FBLN5: variants seen among roughly 807,000 people sequenced by gnomAD.
FBLN5 encodes fibulin-5.
FBLN5 carries 24 observed loss-of-function variants against 61.6 expected under a neutral mutation model. The ratio of observed to expected loss-of-function variants is 0.39; its 90% confidence interval spans 0.28 to 0.55. FBLN5 has a LOEUF of 0.55. FBLN5 is among the 20% of genes least tolerant of loss of function. The pLI, the probability that FBLN5 is intolerant of heterozygous loss-of-function variation, is 0.65. For missense variants in FBLN5, 470 were observed against 594.1 expected, an observed-to-expected ratio of 0.79 and a Z score of 2.17; for synonymous variants, 213 against 219.8, an observed-to-expected ratio of 0.97 and a Z score of 0.27.
chr14:91,887,456 G>A, intron 6 of FBLN5, 144 bp from the exon 7 acceptor site: 3 of 847,168 alleles, frequency 3.5e-6, no homozygotes, highest in Middle Eastern at 2.9e-4. Flanking sequence ...AGGACCTTTG[G>A]GAGCATGATC....
At chr14:91,910,787 A>C (rs2498825) in intron 4 of FBLN5, among the ~76,000 whole-genome samples, 30,807 of 151,924 alleles carry the variant, frequency 0.2, 3,487 homozygotes, top group Admixed American at 0.33. Context: ...GCTGGGGAGA[A>C]AGGGATGGCG....
chr14:91,911,117 G>A (rs1202626844), intron 4 of FBLN5, among the ~76,000 whole-genome samples: 1 of 152,094 alleles, frequency 6.6e-6, no homozygotes. Flanking sequence ...CCAAGTGGCT[G>A]AGAATACAGG....
chr14:91,940,729 A>C, intron 2 of FBLN5, 113 bp from the exon 3 acceptor site: 1 of 805,456 alleles, frequency 1.2e-6, no homozygotes, highest in Non-Finnish European at 2.1e-6. Flanking sequence ...CCTCCAAAAT[A>C]CCAATACCTG....
intron 4 of FBLN5, among the ~76,000 whole-genome samples, chr14:91,899,292 C>A (rs1890360513): frequency 6.6e-6 from 1 of 152,222 alleles, no homozygotes; most frequent in African/African-American, 2.4e-5. Context: ...GCTGTCACAC[C>A]AGTCGGGTGC....
chr14:91,870,413 G>A, intron 10 of FBLN5, 28 bp from the exon 11 acceptor site: 2 of 1,612,450 alleles, frequency 1.2e-6, no homozygotes, highest in South Asian at 1.1e-5. Flanking sequence ...GAACACCAGT[G>A]AGAAAAGGCC....
At chr14:91,894,417 A>AAAAAAAAAAAAAAAG (rs1890126970) in intron 5 of FBLN5, among the ~76,000 whole-genome samples, 2 of 147,960 alleles carry the variant, frequency 1.4e-5, no homozygotes, top group Admixed American at 6.8e-5. Context: ...AAAAAAAAAA[A>AAAAAAAAAAAAAAAG]AAAAAAAAAA....
intron 4 of FBLN5, among the ~76,000 whole-genome samples, chr14:91,913,292 G>C (rs2140010727): frequency 6.6e-6 from 1 of 152,210 alleles, no homozygotes; most frequent in East Asian, 1.9e-4. Flanking sequence ...ATATTTTGGA[G>C]GATTCAATGA....
chr14:91,922,505 G>A (rs1481179799), intron 4 of FBLN5, among the ~76,000 whole-genome samples: 1 of 152,126 alleles, frequency 6.6e-6, no homozygotes, highest in Non-Finnish European at 1.5e-5. Context: ...GGCAGTAACC[G>A]CAGGACCCAG....
intron 4 of FBLN5, among the ~76,000 whole-genome samples, chr14:91,935,182 C>T (rs999173009): frequency 2.0e-5 from 3 of 152,344 alleles, no homozygotes; most frequent in African/African-American, 4.8e-5. Flanking sequence ...AATGGCATGA[C>T]GTCAGAGGGA....
rs897045795 is a variant in FBLN5, at chr14:91,870,076, G to C, written c.*148C>G. 4 of 788,128 alleles carry C rather than the reference G, an allele frequency of 5.1e-6. No homozygotes were observed. The African/African-American group carries it at 5.1e-5, about 10-fold the overall frequency. The allele number at this position is 788,128 out of a possible 1,614,324, so 48.8% of individuals were successfully genotyped here. ...GACAGGTCTGCAATAGTACAGGTGA[G>C]AGTCAGGAAGTCGGGGCTGACTCTT... On this transcript the variant is annotated 3_prime_UTR_variant, in exon 11 of 11. Coordinates refer to ENST00000342058, the MANE Select transcript of FBLN5 (RefSeq NM_006329.4).
intron 4 of FBLN5, among the ~76,000 whole-genome samples, chr14:91,922,119 C>A (rs145438433): frequency 1.3e-3 from 202 of 152,050 alleles, no homozygotes; most frequent in African/African-American, 4.3e-3. Flanking sequence ...ATGGCAAAAC[C>A]CCATTTCTAC....
chr14:91,897,362 T>C (rs982601739), intron 4 of FBLN5, among the ~76,000 whole-genome samples: 3 of 152,124 alleles, frequency 2.0e-5, no homozygotes, highest in Non-Finnish European at 4.4e-5. Flanking sequence ...TGACAATAAA[T>C]AGTGCCACTA....
intron 4 of FBLN5, among the ~76,000 whole-genome samples, chr14:91,902,895 G>A (rs1344443807): frequency 6.6e-6 from 1 of 152,160 alleles, no homozygotes; most frequent in African/African-American, 2.4e-5. Context: ...AACTGACCAT[G>A]AAGATGGCCA....
chr14:91,940,473 G>A, intron 3 of FBLN5, 92 bp downstream of exon 3: 6 of 1,060,282 alleles, frequency 5.7e-6, no homozygotes, highest in Non-Finnish European at 7.2e-6. Flanking sequence ...CCATGGGCAT[G>A]GCTAATCATT....
intron 10 of FBLN5, among the ~76,000 whole-genome samples, chr14:91,872,772 T>C (rs1363931656): frequency 1.3e-5 from 2 of 152,200 alleles, no homozygotes; most frequent in Non-Finnish European, 2.9e-5. Flanking sequence ...TTACGAAACC[T>C]GAGCCCTGGG....
chr14:91,929,039 T>C (rs1009182107), intron 4 of FBLN5, among the ~76,000 whole-genome samples: 5 of 149,174 alleles, frequency 3.4e-5, no homozygotes, highest in South Asian at 4.2e-4. Flanking sequence ...GCCTGGGCGA[T>C]AGAGTGAGAC....
intron 4 of FBLN5, among the ~76,000 whole-genome samples, chr14:91,911,526 G>A (rs1890935878): frequency 6.6e-6 from 1 of 152,158 alleles, no homozygotes; most frequent in South Asian, 2.1e-4. Flanking sequence ...GGGAGTGTGA[G>A]GGCGGGGAGC....
intron 4 of FBLN5, among the ~76,000 whole-genome samples, chr14:91,917,936 CA>C (rs1009887680): frequency 6.6e-6 from 1 of 152,170 alleles, no homozygotes; most frequent in Non-Finnish European, 1.5e-5. Context: ...GAACATTACA[CA>C]AGTGTGTAAG....
At chr14:91,886,341 T>G in intron 7 of FBLN5, among the ~76,000 whole-genome samples, 1 of 151,610 alleles carries the variant, frequency 6.6e-6, no homozygotes, top group East Asian at 1.9e-4. Flanking sequence ...AGAAAAGGAG[T>G]TGTGTGTGGC....
Sources: allele counts gnomAD v4.1 joint callset (sites outside exome capture counted in the v4.1 genomes callset), GRCh38; gene constraint gnomAD v4.1.1; transcripts MANE v1.5; gene names NCBI Gene and HGNC (gene_info 2026-07-23, HGNC 2026-07-21).